The following WWOX variants were observed in gnomAD, a reference collection of about 807,000 sequenced individuals.
WWOX encodes the protein WW domain-containing oxidoreductase.
Under a neutral mutation model 46.2 loss-of-function variants are expected in WWOX, and 69 were observed. That is an observed-to-expected ratio of 1.49 (90% CI 1.23 to 1.82). The LOEUF (loss-of-function observed/expected upper bound fraction) is 1.82, where lower values mean the gene tolerates loss of function less well. Ranked by LOEUF, WWOX falls within the 40% of genes most tolerant of loss-of-function variation. WWOX has a pLI of 0.00. For synonymous variants in WWOX, 359 were observed against 202.6 expected, an observed-to-expected ratio of 1.77 and a Z score of -6.56; for missense variants, 919 against 542.6, an observed-to-expected ratio of 1.69 and a Z score of -6.89.
At chr16:78,560,682 T>C (rs1438886812) in intron 8 of WWOX, among the ~76,000 whole-genome samples, 2 of 152,066 alleles carry the variant, frequency 1.3e-5, no homozygotes, top group Non-Finnish European at 2.9e-5. Context: ...ATAATAATAA[T>C]GTTAGTGATA....
At chr16:78,631,267 C>A (rs2046422427) in intron 8 of WWOX, among the ~76,000 whole-genome samples, 1 of 152,066 alleles carries the variant, frequency 6.6e-6, no homozygotes, top group African/African-American at 2.4e-5. Flanking sequence ...CCACCCCTTC[C>A]TCACCCAAGA....
At chr16:78,515,186 T>C (rs778586619) in intron 8 of WWOX, among the ~76,000 whole-genome samples, 6 of 152,166 alleles carry the variant, frequency 3.9e-5, no homozygotes, top group Non-Finnish European at 8.8e-5. Flanking sequence ...ATCGTGTCAC[T>C]GCACTCCAGC....
At chr16:78,543,687 C>G (rs1316989151) in intron 8 of WWOX, among the ~76,000 whole-genome samples, 1 of 152,110 alleles carries the variant, frequency 6.6e-6, no homozygotes, top group Admixed American at 6.5e-5. Context: ...CTATAAGACC[C>G]AAGACCTTAA....
intron 8 of WWOX, among the ~76,000 whole-genome samples, chr16:78,928,235 C>G (rs541948608): frequency 6.8e-6 from 1 of 147,296 alleles, no homozygotes; most frequent in Non-Finnish European, 1.5e-5. Context: ...CGGAGTCTCG[C>G]TCTGTCGCCC....
At chr16:78,454,438 T>C (rs2083766703) in intron 8 of WWOX, among the ~76,000 whole-genome samples, 1 of 151,290 alleles carries the variant, frequency 6.6e-6, no homozygotes, top group African/African-American at 2.5e-5. Flanking sequence ...ATGATACTTT[T>C]ATCTGAGCAG....
At chr16:78,996,262 C>T (rs770263907) in intron 8 of WWOX, 20 of 984,720 alleles carry the variant, frequency 2.0e-5, no homozygotes, top group Non-Finnish European at 2.4e-5. Context: ...CTGAGCCAGA[C>T]CCCTTTTCAG....
intron 8 of WWOX, among the ~76,000 whole-genome samples, chr16:78,967,398 C>T (rs1403811698): frequency 1.3e-5 from 2 of 149,870 alleles, no homozygotes; most frequent in East Asian, 2.0e-4. Context: ...TTCCACCCAC[C>T]TCAGCCTCCT....
chr16:78,185,524 C>G (rs1250121729), intron 5 of WWOX, among the ~76,000 whole-genome samples: 1 of 151,182 alleles, frequency 6.6e-6, no homozygotes, highest in Admixed American at 6.6e-5. Context: ...CATGTAGAAG[C>G]TCATTGGTAG....
chr16:78,137,602 T>C (rs2033843522), intron 4 of WWOX, among the ~76,000 whole-genome samples: 1 of 152,052 alleles, frequency 6.6e-6, no homozygotes, highest in Non-Finnish European at 1.5e-5. Context: ...TCTTTGTAGG[T>C]AAAAAGGAGC....
At chr16:79,189,540 A>C (rs1013378392) in intron 8 of WWOX, among the ~76,000 whole-genome samples, 1 of 151,202 alleles carries the variant, frequency 6.6e-6, no homozygotes, top group Non-Finnish European at 1.5e-5. Context: ...GCTTCAAGCG[A>C]TCCTCCTACC....
intron 8 of WWOX, among the ~76,000 whole-genome samples, chr16:78,857,489 A>G (rs1355318139): frequency 1.3e-5 from 2 of 152,188 alleles, no homozygotes; most frequent in African/African-American, 4.8e-5. Flanking sequence ...TAAATTGCTT[A>G]AGCAATTTTC....
intron 6 of WWOX, among the ~76,000 whole-genome samples, chr16:78,397,082 G>C (rs2151941435): frequency 1.3e-5 from 2 of 152,322 alleles, no homozygotes; most frequent in East Asian, 3.9e-4. Context: ...AGTCGATGTT[G>C]TGTGCATAGT....
intron 8 of WWOX, among the ~76,000 whole-genome samples, chr16:79,062,515 A>G (rs940880005): frequency 2.0e-5 from 3 of 152,298 alleles, no homozygotes; most frequent in Non-Finnish European, 4.4e-5. Flanking sequence ...CTGCAGAGGA[A>G]TCGAGTGTGA....
chr16:78,557,325 C>G (rs917577592), intron 8 of WWOX, among the ~76,000 whole-genome samples: 1 of 152,132 alleles, frequency 6.6e-6, no homozygotes, highest in African/African-American at 2.4e-5. Flanking sequence ...AAAACCAATA[C>G]CAACTTCAGT....
intron 8 of WWOX, among the ~76,000 whole-genome samples, chr16:79,037,981 A>G (rs1389053474): frequency 1.3e-5 from 2 of 152,122 alleles, no homozygotes; most frequent in African/African-American, 4.8e-5. Context: ...CATAACCAGA[A>G]AAAGCTCGTT....
chr16:78,294,054 G>A (rs932614815), intron 5 of WWOX, among the ~76,000 whole-genome samples: 3 of 146,414 alleles, frequency 2.0e-5, no homozygotes, highest in Non-Finnish European at 3.0e-5. Context: ...GGATCCCTTC[G>A]TGTTTAGCAA....
intron 8 of WWOX, among the ~76,000 whole-genome samples, chr16:78,513,900 C>T (rs111265262): frequency 6.8e-6 from 1 of 147,524 alleles, no homozygotes; most frequent in East Asian, 2.0e-4. Context: ...CCACTCCCCC[C>T]CCCCCCACTT....
At chr16:78,994,998 C>G (rs1452034326) in intron 8 of WWOX, among the ~76,000 whole-genome samples, 4 of 116,072 alleles carry the variant, frequency 3.4e-5, no homozygotes, top group Non-Finnish European at 7.0e-5. Context: ...TGTTTTTCCT[C>G]CCAGCCTCTC....
At chr16:78,420,060 A>G (rs1446234924) in intron 6 of WWOX, among the ~76,000 whole-genome samples, 1 of 152,202 alleles carries the variant, frequency 6.6e-6, no homozygotes, top group African/African-American at 2.4e-5. Flanking sequence ...TGCAAATGAA[A>G]GCCACAATGA....
Sources: allele counts gnomAD v4.1 joint callset (sites outside exome capture counted in the v4.1 genomes callset), GRCh38; gene constraint gnomAD v4.1.1; transcripts MANE v1.5; gene names NCBI Gene and HGNC (gene_info 2026-07-23, HGNC 2026-07-21).